The following KSR2 variants were observed in gnomAD, a reference collection of about 807,000 sequenced individuals.
The protein encoded by KSR2 is kinase suppressor of ras 2.
A neutral mutation model predicts 107.8 loss-of-function variants in KSR2; 25 were observed. The ratio of observed to expected loss-of-function variants is 0.23; its 90% CI spans 0.17 to 0.32. The LOEUF (loss-of-function observed/expected upper bound fraction) is 0.32. Ranked by LOEUF, KSR2 falls within the 10% of genes least tolerant of loss-of-function variation. KSR2 has a pLI of 1.00. For synonymous variants in KSR2, 480 were observed against 507.0 expected (o/e 0.95, Z 0.71); for missense variants, 887 against 1,268.9 (o/e 0.70, Z 4.57).
At chr12:117,574,892 GAAAAAA>G (rs35204005) in intron 7 of KSR2, among the ~76,000 whole-genome samples, 2 of 115,346 alleles carry the variant, frequency 1.7e-5, no homozygotes, top group Non-Finnish European at 3.6e-5. Context: ...TGCTCTGGGT[GAAAAAA>G]AAAAAAAAAA....
intron 1 of KSR2, among the ~76,000 whole-genome samples, chr12:117,866,719 C>T (rs1374801648): frequency 2.6e-5 from 4 of 152,032 alleles, no homozygotes; most frequent in African/African-American, 4.8e-5. Flanking sequence ...ATCTCAGCTA[C>T]TCGGGAGGCT....
At chr12:117,784,950 T>C (rs1890011183) in intron 3 of KSR2, among the ~76,000 whole-genome samples, 1 of 152,142 alleles carries the variant, frequency 6.6e-6, no homozygotes, top group South Asian at 2.1e-4. Flanking sequence ...ACAGTCTGAC[T>C]CTAACCAGAC....
chr12:117,939,979 ACACACAC>A (rs1895961938), intron 1 of KSR2, among the ~76,000 whole-genome samples: 1 of 151,624 alleles, frequency 6.6e-6, no homozygotes, highest in Non-Finnish European at 1.5e-5. Context: ...ACACACACAC[ACACACAC>A]ATTTTAATTA....
chr12:117,790,131 A>G (rs1890205729), intron 3 of KSR2, among the ~76,000 whole-genome samples: 1 of 152,204 alleles, frequency 6.6e-6, no homozygotes, highest in Admixed American at 6.5e-5. Flanking sequence ...TTGTGAGCCC[A>G]AATATCTGAG....
intron 1 of KSR2, among the ~76,000 whole-genome samples, chr12:117,956,773 T>A (rs942746798): frequency 2.0e-4 from 31 of 151,564 alleles, no homozygotes; most frequent in South Asian, 6.2e-4. Context: ...CTTAAAAAAA[T>A]TTTTTTTAAT....
intron 1 of KSR2, among the ~76,000 whole-genome samples, chr12:117,950,944 C>T (rs1479660588): frequency 2.6e-5 from 4 of 151,708 alleles, no homozygotes; most frequent in Admixed American, 6.6e-5. Flanking sequence ...GATGGAATCT[C>T]ACTCTGTCAC....
At chr12:117,639,629 GTATTATTATTAT>G (rs5801245) in intron 5 of KSR2, among the ~76,000 whole-genome samples, 15 of 137,878 alleles carry the variant, frequency 1.1e-4, no homozygotes, top group Non-Finnish European at 2.2e-4. Flanking sequence ...CGCACCCAGC[GTATTATTATTAT>G]TATTATTATT....
intron 9 of KSR2, among the ~76,000 whole-genome samples, chr12:117,548,329 C>A (rs11068536): frequency 0.091 from 13,784 of 152,250 alleles, 740 homozygotes; most frequent in Middle Eastern, 0.13. Flanking sequence ...CCAACCCCTC[C>A]TCTTCCTCCT....
chr12:117,559,229 G>A (rs78333346), intron 7 of KSR2, among the ~76,000 whole-genome samples: 4,559 of 152,176 alleles, frequency 0.03, 220 homozygotes, highest in African/African-American at 0.1. Context: ...AATTATCTCC[G>A]CAGAGAGGCT....
At chr12:117,912,119 C>T (rs1357734199) in intron 1 of KSR2, among the ~76,000 whole-genome samples, 2 of 152,170 alleles carry the variant, frequency 1.3e-5, no homozygotes, top group Non-Finnish European at 2.9e-5. Flanking sequence ...ATGAAAGTGG[C>T]GTAGGGCTCT....
chr12:117,477,725 A>G (rs1010684545), intron 16 of KSR2, among the ~76,000 whole-genome samples: 2 of 152,246 alleles, frequency 1.3e-5, no homozygotes, highest in Admixed American at 6.5e-5. Flanking sequence ...AGAACCCTAA[A>G]GAACACCAGT....
chr12:117,779,535 G>A (rs1889808076), intron 3 of KSR2, among the ~76,000 whole-genome samples: 1 of 152,284 alleles, frequency 6.6e-6, no homozygotes, highest in South Asian at 2.1e-4. Flanking sequence ...GTGGCTCTAT[G>A]TCCCCACTCA....
chr12:117,790,103 G>A (rs1890204989), intron 3 of KSR2, among the ~76,000 whole-genome samples: 1 of 152,166 alleles, frequency 6.6e-6, no homozygotes, highest in Non-Finnish European at 1.5e-5. Context: ...TCCACTGCAT[G>A]GGACCAAAAC....
At chr12:117,673,136 A>C (rs1884983599) in intron 4 of KSR2, among the ~76,000 whole-genome samples, 1 of 152,218 alleles carries the variant, frequency 6.6e-6, no homozygotes, top group South Asian at 2.1e-4. Flanking sequence ...CCTCAGAGTC[A>C]ATCTGTTTTA....
chr12:117,667,176 C>T (rs1044570954), intron 5 of KSR2, among the ~76,000 whole-genome samples: 5 of 152,160 alleles, frequency 3.3e-5, no homozygotes. Context: ...GCTTGCTTTT[C>T]TCTATCTTTC....
chr12:117,605,794 T>A (rs563508994), intron 5 of KSR2, among the ~76,000 whole-genome samples: 12 of 152,228 alleles, frequency 7.9e-5, no homozygotes, highest in African/African-American at 2.9e-4. Flanking sequence ...TATGCAGCCA[T>A]AAAAAGGAAT....
At chr12:117,721,370 C>T (rs1887198212) in intron 4 of KSR2, among the ~76,000 whole-genome samples, 1 of 152,100 alleles carries the variant, frequency 6.6e-6, no homozygotes, top group Non-Finnish European at 1.5e-5. Context: ...TCATTTACTT[C>T]CATAGTTGTA....
intron 4 of KSR2, among the ~76,000 whole-genome samples, chr12:117,698,371 A>G (rs757295530): frequency 1.3e-4 from 20 of 151,508 alleles, no homozygotes; most frequent in Non-Finnish European, 2.7e-4. Context: ...GCTGGCATGC[A>G]GTGATGCAAT....
At chr12:117,604,537 C>T (rs953043831) in intron 5 of KSR2, among the ~76,000 whole-genome samples, 1 of 152,096 alleles carries the variant, frequency 6.6e-6, no homozygotes, top group Admixed American at 6.6e-5. Context: ...GGTAAGAAAT[C>T]TCAATGCCTA....
Sources: gnomAD v4.1 joint callset for allele counts (sites outside exome capture counted in the v4.1 genomes callset) on GRCh38, gnomAD v4.1.1 for gene constraint, MANE v1.5 for transcripts, NCBI Gene and HGNC (gene_info 2026-07-23, HGNC 2026-07-21) for gene names.